The following GKN1 variants were observed in gnomAD, a reference collection of about 807,000 sequenced individuals.
GKN1 encodes the protein gastrokine 1.
Under a neutral mutation model 19.7 loss-of-function variants are expected in GKN1, and 17 were observed. That is an observed-to-expected ratio of 0.86 (90% confidence interval 0.59 to 1.29). The LOEUF is 1.29. Among genes scored for constraint, GKN1 ranks in the 50% most tolerant of loss-of-function variants. GKN1 has a pLI of 0.00. For synonymous variants in GKN1, 96 were observed against 78.3 expected (o/e 1.23, Z -1.20); for missense variants, 218 against 224.5 (o/e 0.97, Z 0.19).
chr2:68,978,809 C>T (rs1486223163), intron 3 of GKN1, 62 bp from the exon 4 acceptor site: 1 of 867,534 alleles, frequency 1.2e-6, no homozygotes, highest in Non-Finnish European at 1.9e-6. Flanking sequence ...GTGGAACTGA[C>T]CTCTGATAAG....
chr2:68,980,024 C>T lies in GKN1; in HGVS notation c.427C>T (p.Arg143Cys), dbSNP rs1259715183. The T allele has an allele frequency of 3.7e-6, 6 of 1,613,848 alleles. No homozygotes were observed. Among genetic ancestry groups the T allele is most frequent in the Middle Eastern group, 1.7e-4 (1 of 6,032 alleles). The change falls in exon 5 of 6, where the codon CGT becomes TGT. Residue 143 changes from arginine to cysteine, a missense_variant. By Grantham distance (180) the Arg-to-Cys change is radical. Transcript: ENST00000377938. ...CGGAAAAAACATTGCAAACATGTGT[C>T]GTGGGATTCCAACATACATGGCTGA... is the stretch of plus-strand genomic sequence containing the variant. ...KFGKNIANMC[R>C]GIPTYMAEEM...
chr2:68,976,437 G>C (rs1418063091), intron 1 of GKN1, among the ~76,000 whole-genome samples: 1 of 152,062 alleles, frequency 6.6e-6, no homozygotes, highest in Non-Finnish European at 1.5e-5. Flanking sequence ...ATATGTGCCA[G>C]GTGAATTTTC....
chr2:68,977,575 A>T (rs751480213), intron 2 of GKN1, 27 bp downstream of exon 2: 2 of 1,605,364 alleles, frequency 1.2e-6, no homozygotes, highest in African/African-American at 2.7e-5. Context: ...CAAGTTTGCT[A>T]CCAAAATGCA....
chr2:68,975,554 C>T (rs1176285919), intron 1 of GKN1, among the ~76,000 whole-genome samples: 1 of 152,126 alleles, frequency 6.6e-6, no homozygotes, highest in Non-Finnish European at 1.5e-5. Flanking sequence ...ACATACTACA[C>T]ACTGGAAAAC....
At chr2:68,979,031 C>G (rs1169567416) in intron 4 of GKN1, 50 bp downstream of exon 4, 1 of 853,232 alleles carries the variant, frequency 1.2e-6, no homozygotes, top group Non-Finnish European at 2.0e-6. Flanking sequence ...GTTTTACATC[C>G]TTCAGTAAAT....
Position 68,977,656 on chromosome 2 carries a change from A to G in GKN1, c.86A>G (p.Asp29Gly). 1.2e-6 allele frequency: 2 copies of G among 1,611,040 alleles called. No homozygotes were observed. The highest frequency in any genetic ancestry group is 1.7e-6 in the Non-Finnish European group (2 of 1,177,158). The change falls in exon 3 of 6, where the codon GAC (aspartate) becomes GGC (glycine). Residue 29 changes from aspartate to glycine, a missense_variant. Asp to Gly is a moderately conservative substitution (Grantham distance 94). Coordinates refer to ENST00000377938, the MANE Select transcript of GKN1 (RefSeq NM_019617.4). ...LANYNINVND[D>G]NNNAGSGQQS... ...CTTCAGAATATCAACGTCAATGATG[A>G]CAACAACAATGCTGGAAGTGGGCAG...
chr2:68,980,788 G>A lies in GKN1; in HGVS notation c.523G>A (p.Asp175Asn). 6.3e-7 allele frequency: 1 copy of A among 1,593,574 alleles called. No homozygotes were observed. Among genetic ancestry groups the A allele is most frequent in the Non-Finnish European group, 8.6e-7 (1 of 1,161,380 alleles). The change falls in exon 6 of 6, where the codon GAC becomes AAC. Residue 175 changes from aspartate to asparagine, a missense_variant. Coordinates refer to ENST00000377938, the MANE Select transcript of GKN1 (RefSeq NM_019617.4). ...CYTTSVLWIV[D>N]ISFCGDTVEN ...CACGACCAGTGTACTATGGATTGTG[G>A]ACATTTCCTTCTGTGGAGACACGGT...
Position 68,976,912 on chromosome 2 carries a change from C to T in GKN1, c.13-583C>T, listed in dbSNP as rs1573742426. Among the ~76,000 whole-genome samples, 4 of 152,258 alleles carry T rather than the reference C, an allele frequency of 2.6e-5. No homozygotes were observed. In the East Asian group the frequency reaches 7.7e-4, roughly 29 times the overall value. On this transcript the variant is annotated intron_variant, in intron 1 of 5. Coordinates refer to ENST00000377938, the MANE Select transcript of GKN1 (RefSeq NM_019617.4). ...TAATATAATTCAACAAAACAGCATT[C>T]TGACCAATGATAATTTATAGGAAAT...
At chr2:68,974,777 C>T in intron 1 of GKN1, 88 bp downstream of exon 1, 1 of 874,950 alleles carries the variant, frequency 1.1e-6, no homozygotes, top group African/African-American at 1.7e-5. Flanking sequence ...TCTTATGGCC[C>T]CATCATGGAA....
At chr2:68,978,147 G>A (rs748603058) in intron 3 of GKN1, 4 of 191,906 alleles carry the variant, frequency 2.1e-5, no homozygotes, top group Middle Eastern at 2.4e-3. Flanking sequence ...GAGGTTTTAC[G>A]ACCTTCTAAA....
intron 3 of GKN1, among the ~76,000 whole-genome samples, chr2:68,978,618 G>A (rs1436740980): frequency 6.6e-6 from 1 of 152,084 alleles, no homozygotes; most frequent in Non-Finnish European, 1.5e-5. Flanking sequence ...TATATAGAGG[G>A]GTTTTTATCA....
chr2:68,974,973 CT>C (rs541527723), intron 1 of GKN1, among the ~76,000 whole-genome samples: 4 of 149,878 alleles, frequency 2.7e-5, no homozygotes, highest in Admixed American at 6.7e-5. Context: ...ACATGTATCC[CT>C]TTTTTTTAGA....
intron 1 of GKN1, among the ~76,000 whole-genome samples, chr2:68,975,337 A>G (rs184107434): frequency 1.5e-3 from 230 of 152,266 alleles, no homozygotes; most frequent in Non-Finnish European, 2.5e-3. Flanking sequence ...AGAAAGAAAG[A>G]TTTGCCTTGG....
intron 2 of GKN1, 36 bp from the exon 3 acceptor site, chr2:68,977,601 G>A (rs1670282814): frequency 1.2e-6 from 2 of 1,603,600 alleles, no homozygotes; most frequent in South Asian, 2.2e-5. Context: ...AAGGAAATGT[G>A]ATATTAAATC....
At chr2:68,977,014 A>G (rs556602684) in intron 1 of GKN1, among the ~76,000 whole-genome samples, 1 of 152,178 alleles carries the variant, frequency 6.6e-6, no homozygotes, top group Non-Finnish European at 1.5e-5. Context: ...CTATTCTGAC[A>G]TTTCCAGAAG....
At chr2:68,975,272 A>T (rs1343415902) in intron 1 of GKN1, among the ~76,000 whole-genome samples, 1 of 152,210 alleles carries the variant, frequency 6.6e-6, no homozygotes, top group East Asian at 1.9e-4. Context: ...TATTATCAAA[A>T]TAAGTGGCTG....
At chr2:68,975,680 T>C (rs1670248277) in intron 1 of GKN1, among the ~76,000 whole-genome samples, 1 of 152,124 alleles carries the variant, frequency 6.6e-6, no homozygotes, top group African/African-American at 2.4e-5. Context: ...AGACACAGGT[T>C]AGATTTGATT....
Position 68,980,745 on chromosome 2 carries a change from T to C in GKN1, c.480T>C (p.Phe160=). ...AEEMQEASLF[F]YSGTCYTTSV... ...CTTTATTAGAGGCAAGCCTGTTTTT[T>C]TACTCAGGAACGTGCTACACGACCA... Residue 160 remains phenylalanine, a synonymous_variant, in exon 6 of 6, where the codon TTT becomes TTC. Transcript: ENST00000377938. The C allele has an allele frequency of 1.3e-6, 2 of 1,575,948 alleles. No individual in the cohort carries two copies. Among genetic ancestry groups the C allele is most frequent in the Non-Finnish European group, 8.7e-7 (1 of 1,145,346 alleles).
chr2:68,979,031 C>T, intron 4 of GKN1, 50 bp downstream of exon 4: 1 of 853,232 alleles, frequency 1.2e-6, no homozygotes, highest in Non-Finnish European at 2.0e-6. Flanking sequence ...GTTTTACATC[C>T]TTCAGTAAAT....
Sources: gnomAD v4.1 joint callset for allele counts (sites outside exome capture counted in the v4.1 genomes callset) on GRCh38, gnomAD v4.1.1 for gene constraint, MANE v1.5 for transcripts, NCBI Gene and HGNC (gene_info 2026-07-23, HGNC 2026-07-21) for gene names.